Variants in KIAA1958 observed in about 807,000 individuals in gnomAD.
KIAA1958 encodes uncharacterized protein KIAA1958.
A neutral mutation model predicts 47.2 loss-of-function variants in KIAA1958; 14 were observed. The ratio of observed to expected loss-of-function variants is 0.30; its 90% CI spans 0.20 to 0.46. The LOEUF (loss-of-function observed/expected upper bound fraction) is 0.46. Ranked by LOEUF, KIAA1958 falls within the 20% of genes least tolerant of loss-of-function variation. The pLI, the probability that KIAA1958 is intolerant of heterozygous loss-of-function variation, is 1.00. For synonymous variants in KIAA1958, 354 were observed against 353.3 expected (o/e 1.00, Z -0.02); for missense variants, 803 against 909.2 (o/e 0.88, Z 1.50).
chr9:112,493,769 T>C (rs1159185216), intron 1 of KIAA1958, among the ~76,000 whole-genome samples: 1 of 152,266 alleles, frequency 6.6e-6, no homozygotes, highest in African/African-American at 2.4e-5. Flanking sequence ...GTGGCTTTTA[T>C]AGTTCAAGGT....
At chr9:112,583,876 T>C (rs1835778262) in intron 2 of KIAA1958, among the ~76,000 whole-genome samples, 2 of 152,020 alleles carry the variant, frequency 1.3e-5, no homozygotes, top group Non-Finnish European at 2.9e-5. Flanking sequence ...AAACTGTATC[T>C]ATAATTTTTT....
intron 3 of KIAA1958, among the ~76,000 whole-genome samples, chr9:112,647,666 T>C (rs1836998817): frequency 6.6e-6 from 1 of 152,252 alleles, no homozygotes; most frequent in African/African-American, 2.4e-5. Flanking sequence ...TTTCCATTTC[T>C]TGCCAGAATT....
At chr9:112,570,670 C>G (rs1254171305) in intron 1 of KIAA1958, among the ~76,000 whole-genome samples, 1 of 152,204 alleles carries the variant, frequency 6.6e-6, no homozygotes, top group African/African-American at 2.4e-5. Context: ...TGATACTTGG[C>G]TTTGCCAGTA....
chr9:112,515,918 G>GAAAAAAA (rs1564155552), intron 1 of KIAA1958, among the ~76,000 whole-genome samples: 73 of 134,772 alleles, frequency 5.4e-4, no homozygotes, highest in South Asian at 1.2e-3. Flanking sequence ...AAAAAAGACT[G>GAAAAAAA]AATGCTTTTC....
chr9:112,515,918 G>GAA (rs1564155552), intron 1 of KIAA1958, among the ~76,000 whole-genome samples: 10 of 135,040 alleles, frequency 7.4e-5, no homozygotes, highest in East Asian at 2.2e-4. Context: ...AAAAAAGACT[G>GAA]AATGCTTTTC....
intron 1 of KIAA1958, among the ~76,000 whole-genome samples, chr9:112,537,473 A>G (rs1377847968): frequency 6.6e-6 from 1 of 152,240 alleles, no homozygotes; most frequent in Non-Finnish European, 1.5e-5. Context: ...TCTATAAATC[A>G]GTAAGGCTAA....
intron 1 of KIAA1958, among the ~76,000 whole-genome samples, chr9:112,523,444 TTAAATAAA>T (rs34030752): frequency 2.0e-5 from 3 of 150,138 alleles, no homozygotes; most frequent in Admixed American, 6.7e-5. Context: ...AAGTGTCTTA[TTAAATAAA>T]TAAATAAATA....
At chr9:112,617,646 G>A (rs1350849484) in intron 2 of KIAA1958, among the ~76,000 whole-genome samples, 1 of 152,124 alleles carries the variant, frequency 6.6e-6, no homozygotes, top group African/African-American at 2.4e-5. Context: ...TAGGAAGCTC[G>A]TTTTGCTTGT....
chr9:112,612,246 CA>C (rs892359324), intron 2 of KIAA1958, among the ~76,000 whole-genome samples: 111 of 146,746 alleles, frequency 7.6e-4, no homozygotes, highest in Middle Eastern at 3.4e-3. Context: ...CCATCTCTAA[CA>C]AAAAAAAAAC....
chr9:112,524,756 T>C (rs1834611524), intron 1 of KIAA1958, among the ~76,000 whole-genome samples: 1 of 152,214 alleles, frequency 6.6e-6, no homozygotes, highest in African/African-American at 2.4e-5. Flanking sequence ...TTAATTTTAA[T>C]TATTTTAAAT....
At chr9:112,495,329 A>T (rs953472027) in intron 1 of KIAA1958, among the ~76,000 whole-genome samples, 1 of 152,282 alleles carries the variant, frequency 6.6e-6, no homozygotes, top group Non-Finnish European at 1.5e-5. Flanking sequence ...ACTTACCTGT[A>T]CTTTTGGAGA....
chr9:112,560,802 T>A (rs1264856254), intron 1 of KIAA1958, among the ~76,000 whole-genome samples: 1 of 152,108 alleles, frequency 6.6e-6, no homozygotes, highest in East Asian at 1.9e-4. Flanking sequence ...GCAAGGTAGT[T>A]GCTAAGGGTG....
chr9:112,657,128 C>T (rs905311825), intron 3 of KIAA1958, among the ~76,000 whole-genome samples: 2 of 151,782 alleles, frequency 1.3e-5, no homozygotes, highest in African/African-American at 4.8e-5. Context: ...TAGAGTCTTG[C>T]TCTGTTGCCC....
chr9:112,668,794 A>T lies in KIAA1958; in HGVS notation c.*8725A>T, dbSNP rs41280187. 6.6e-6 allele frequency: 1 copy of T among 152,178 alleles called. No individual in the cohort carries two copies. The highest frequency in any genetic ancestry group is 1.5e-5 in the Non-Finnish European group (1 of 68,024). The allele number at this position is 152,178 out of a possible 1,614,324, so 9.4% of individuals were successfully genotyped here. On this transcript the variant is annotated 3_prime_UTR_variant, in exon 4 of 4. Transcript: ENST00000337530. Reference sequence around the variant, plus strand: ...ACATCTTCCCAAAGAGATGGAGACAATCTCTTCTGGGTAGATTCCAAGTAT... The same window carrying T: ...ACATCTTCCCAAAGAGATGGAGACATTCTCTTCTGGGTAGATTCCAAGTAT...
chr9:112,530,823 A>C (rs958273125), intron 1 of KIAA1958, among the ~76,000 whole-genome samples: 2 of 152,218 alleles, frequency 1.3e-5, no homozygotes, highest in African/African-American at 4.8e-5. Context: ...AAAGGACTCC[A>C]CAATATTTGG....
intron 2 of KIAA1958, among the ~76,000 whole-genome samples, chr9:112,638,683 G>A (rs903413307): frequency 2.0e-5 from 3 of 151,998 alleles, no homozygotes; most frequent in African/African-American, 7.2e-5. Flanking sequence ...TTAAAATATT[G>A]CTACTTCCCC....
intron 1 of KIAA1958, among the ~76,000 whole-genome samples, chr9:112,517,593 G>A (rs1206058878): frequency 6.6e-6 from 1 of 152,048 alleles, no homozygotes; most frequent in Non-Finnish European, 1.5e-5. Flanking sequence ...TTGATCAATT[G>A]GACTTTAGAA....
chr9:112,552,164 T>C (rs933492374), intron 1 of KIAA1958, among the ~76,000 whole-genome samples: 1 of 152,208 alleles, frequency 6.6e-6, no homozygotes, highest in African/African-American at 2.4e-5. Context: ...TGTAGTTTTA[T>C]TTGTGAGAGT....
chr9:112,493,466 C>T (rs1347837161), intron 1 of KIAA1958, among the ~76,000 whole-genome samples: 1 of 152,168 alleles, frequency 6.6e-6, no homozygotes, highest in East Asian at 1.9e-4. Context: ...TAGGAGTTAT[C>T]TCTGATTCCT....
Sources: allele counts gnomAD v4.1 joint callset (sites outside exome capture counted in the v4.1 genomes callset), GRCh38; gene constraint gnomAD v4.1.1; transcripts MANE v1.5; gene names NCBI Gene and HGNC (gene_info 2026-07-23, HGNC 2026-07-21).